The following USP3 variants were observed in gnomAD, a reference collection of about 807,000 sequenced individuals.
USP3 encodes ubiquitin specific peptidase 3.
Under a neutral mutation model 72.3 loss-of-function variants are expected in USP3, and 20 were observed. The observed-to-expected ratio is 0.28, with a 90% CI of 0.19 to 0.40. The LOEUF (loss-of-function observed/expected upper bound fraction) is 0.40, where lower values mean the gene tolerates loss of function less well. Ranked by LOEUF, USP3 falls within the 10% of genes least tolerant of loss-of-function variation. The pLI, the probability that USP3 is intolerant of heterozygous loss-of-function variation, is 1.00. For missense variants in USP3, 479 were observed against 633.9 expected, an observed-to-expected ratio of 0.76 and a Z score of 2.62; for synonymous variants, 222 against 225.3, an observed-to-expected ratio of 0.99 and a Z score of 0.13.
chr15:63,529,203 GAT>G lies in USP3; in HGVS notation c.92-3439_92-3438del. ...GTTTTTTTTTTTTTCTTTTTTTTGAGATATATTAAAAGGCACAGTCCATAGTC... is the reference window on the plus strand; with the variant it reads ...GTTTTTTTTTTTTTCTTTTTTTTGAGATATTAAAAGGCACAGTCCATAGTC... On this transcript the variant is annotated intron_variant, in intron 1 of 14. Transcript: ENST00000380324. The surrounding 1 kb of genome is among the most constrained non-coding windows in gnomAD (Gnocchi z 4.2). 1 of 500,924 alleles carries G rather than the reference GAT, an allele frequency of 2.0e-6. No individual in the cohort carries two copies. The highest frequency in any genetic ancestry group is 3.5e-6 in the Non-Finnish European group (1 of 284,642). The allele number at this position is 500,924 out of a possible 1,614,324, so 31.0% of individuals were successfully genotyped here.
chr15:63,582,972 C>A (rs1483938696), intron 11 of USP3, among the ~76,000 whole-genome samples: 1 of 152,060 alleles, frequency 6.6e-6, no homozygotes, highest in Non-Finnish European at 1.5e-5. Context: ...GTATCAAATT[C>A]CTGAAATTAA....
Position 63,544,816 on chromosome 15 carries a change from A to C in USP3, c.284+7660A>C. 1 of 687,390 alleles carries C rather than the reference A, an allele frequency of 1.5e-6. No homozygotes were observed. The highest frequency in any genetic ancestry group is 1.5e-5 in the South Asian group (1 of 65,528). 42.6% of individuals were successfully genotyped at this position (687,390 alleles called of 1,614,324 possible). A position where few individuals can be genotyped will look rare whatever the true frequency, so the allele number is the denominator to read the frequency against. On this transcript the variant is annotated intron_variant, in intron 3 of 14. Transcript: ENST00000380324. This position sits in a 1 kb window ranked among gnomAD's most constrained non-coding sequence, Gnocchi z 4.2. The stretch of plus-strand genomic sequence containing the variant: ...AAGTGAAAGGGAAGATTGGGAGGGA[A>C]GGGGTAGGAGATAAGAATATCTAAG...
chr15:63,570,375 T>G lies in USP3; in HGVS notation c.762-58T>G. On this transcript the variant is annotated intron_variant, in intron 8 of 14. Coordinates refer to ENST00000380324, the MANE Select transcript of USP3 (RefSeq NM_006537.4). This position sits in a 1 kb window ranked among gnomAD's most constrained non-coding sequence, Gnocchi z 4.4. ...TCCACGCCTTGGCCTCTTGCTGGTG[T>G]GGCTGGGCACAAAGAGCCCTCCACC... 6.2e-7 allele frequency: 1 copy of G among 1,609,408 alleles called. No individual in the cohort carries two copies. Among genetic ancestry groups the G allele is most frequent in the Non-Finnish European group, 8.5e-7 (1 of 1,178,678 alleles).
intron 9 of USP3, among the ~76,000 whole-genome samples, chr15:63,573,724 G>A (rs1203674718): frequency 6.6e-6 from 1 of 152,172 alleles, no homozygotes; most frequent in African/African-American, 2.4e-5. Context: ...GGGAGGAAAT[G>A]GAAGGAGTCA....
chr15:63,511,953 CT>C (rs58146448), intron 1 of USP3, among the ~76,000 whole-genome samples: 5,486 of 112,202 alleles, frequency 0.049, 57 homozygotes, highest in Middle Eastern at 0.077. Flanking sequence ...AACTGCAGAT[CT>C]TTTTTTTTTT....
intron 1 of USP3, among the ~76,000 whole-genome samples, chr15:63,518,065 A>G (rs2065875102): frequency 6.6e-6 from 1 of 152,276 alleles, no homozygotes; most frequent in East Asian, 1.9e-4. Flanking sequence ...TTTTAAATGT[A>G]TATCATTTGT....
chr15:63,550,105 C>T (rs1034337571), intron 3 of USP3, among the ~76,000 whole-genome samples: 3 of 152,152 alleles, frequency 2.0e-5, no homozygotes, highest in South Asian at 2.1e-4. Context: ...CTGCAACCTC[C>T]GCCTCCTTGG....
chr15:63,536,699 A>C (rs1280563113), intron 2 of USP3, among the ~76,000 whole-genome samples: 2 of 151,872 alleles, frequency 1.3e-5, no homozygotes, highest in African/African-American at 4.8e-5. Context: ...ATACAAAAAA[A>C]AAAAATTAGC....
intron 2 of USP3, among the ~76,000 whole-genome samples, chr15:63,536,021 G>A (rs74018965): frequency 0.048 from 7,288 of 152,280 alleles, 193 homozygotes; most frequent in Middle Eastern, 0.099. Flanking sequence ...GTCTCTAGAC[G>A]AAGGTGTAGA....
At chr15:63,557,613 T>C (rs999853459) in intron 5 of USP3, among the ~76,000 whole-genome samples, 12 of 152,226 alleles carry the variant, frequency 7.9e-5, no homozygotes, top group Admixed American at 2.0e-4. Context: ...CGGCCTGTCT[T>C]GAGGCGCCTG....
chr15:63,553,215 T>C lies in USP3; in HGVS notation c.285-500T>C, dbSNP rs1188103065. 6.6e-6 allele frequency: 1 copy of C among 152,278 alleles called. No homozygotes were observed. Among genetic ancestry groups the C allele is most frequent in the Non-Finnish European group, 1.5e-5 (1 of 68,062 alleles). The allele number at this position is 152,278 out of a possible 1,614,324, so 9.4% of individuals were successfully genotyped here. On this transcript the variant is annotated intron_variant, in intron 3 of 14. Transcript: ENST00000380324. The surrounding 1 kb of genome is among the most constrained non-coding windows in gnomAD (Gnocchi z 4.2). ...CTGAATTCAAGCTATTTTAATTAAA[T>C]TATGTTTAAAATGTGCAGCTTTAAC...
At chr15:63,547,410 A>G (rs2066345708) in intron 3 of USP3, among the ~76,000 whole-genome samples, 1 of 152,162 alleles carries the variant, frequency 6.6e-6, no homozygotes, top group East Asian at 1.9e-4. Context: ...TTTTTAAACC[A>G]GTGAAAAACA....
chr15:63,514,741 C>T (rs1042014072), intron 1 of USP3, among the ~76,000 whole-genome samples: 5 of 152,038 alleles, frequency 3.3e-5, no homozygotes, highest in Non-Finnish European at 7.4e-5. Flanking sequence ...TAAATATATA[C>T]GAGTCTTTTC....
chr15:63,585,391 A>G (rs573055203), intron 11 of USP3, among the ~76,000 whole-genome samples: 29 of 152,222 alleles, frequency 1.9e-4, no homozygotes, highest in African/African-American at 6.7e-4. Flanking sequence ...TCTTTCAGCA[A>G]TGTTTTGTAG....
chr15:63,556,279 A>G (rs1455472926), intron 4 of USP3: 2 of 160,062 alleles, frequency 1.2e-5, no homozygotes, highest in Non-Finnish European at 2.7e-5. Context: ...GAAATAGCAT[A>G]TGGAGACTTA....
chr15:63,537,063 C>A lies in USP3; in HGVS notation c.191C>A (p.Ala64Glu). Residue 64 changes from alanine (A) to glutamate (E), a missense_variant, in exon 3 of 15, where the codon GCA (alanine) becomes GAA (glutamate). Physicochemically the swap from Ala to Glu is moderately radical, Grantham distance 107. Coordinates refer to ENST00000380324, the MANE Select transcript of USP3 (RefSeq NM_006537.4). ...NGHAKKHYED[A>E]QVPLTNHKKS... is the part of the protein sequence containing the mutation. ...CATGCAAAAAAACATTATGAAGATG[C>A]ACAAGTACCTTTAACCAACCATAAG... 6.2e-7 allele frequency: 1 copy of A among 1,613,854 alleles called. No individual in the cohort carries two copies. The highest frequency in any genetic ancestry group is 8.5e-7 in the Non-Finnish European group (1 of 1,179,918).
chr15:63,584,716 C>T (rs1006460277), intron 11 of USP3, among the ~76,000 whole-genome samples: 5 of 152,274 alleles, frequency 3.3e-5, no homozygotes, highest in African/African-American at 1.2e-4. Context: ...TTCTCCCATT[C>T]TGTGGTTCTC....
At chr15:63,586,548 G>A (rs2067067277) in intron 11 of USP3, 1 of 152,224 alleles carries the variant, frequency 6.6e-6, no homozygotes, top group African/African-American at 2.4e-5. Context: ...AGTCTGAAGG[G>A]ATTATTAGTG....
intron 11 of USP3, chr15:63,587,614 T>TTTTA (rs1393612717): frequency 6.6e-6 from 1 of 152,202 alleles, no homozygotes; most frequent in Non-Finnish European, 1.5e-5. Context: ...ATTTACAGTG[T>TTTTA]TTTAGGCTTT....
Sources: gnomAD v4.1 joint callset for allele counts (sites outside exome capture counted in the v4.1 genomes callset) on GRCh38, gnomAD v4.1.1 for gene constraint, Gnocchi (gnomAD v3.1) non-coding constraint, MANE v1.5 for transcripts, NCBI Gene and HGNC (gene_info 2026-07-23, HGNC 2026-07-21) for gene names.